The following PCDHA10 variants were observed in gnomAD, a reference collection of about 807,000 sequenced individuals.
The protein encoded by PCDHA10 is protocadherin alpha-10.
In PCDHA10, 45 loss-of-function variants were observed where a neutral mutation model predicts 61.2. That is an observed-to-expected ratio of 0.74 (90% CI 0.58 to 0.94). The LOEUF (loss-of-function observed/expected upper bound fraction) is 0.94. Ranked by LOEUF, PCDHA10 falls within the 40% of genes least tolerant of loss-of-function variation. The probability of loss-of-function intolerance (pLI) is 0.00; values close to 1 mark genes in which losing one functional copy is unlikely to be tolerated. For missense variants in PCDHA10, 1,278 were observed against 1,236.2 expected, an observed-to-expected ratio of 1.03 and a Z score of -0.51; for synonymous variants, 602 against 548.8, an observed-to-expected ratio of 1.10 and a Z score of -1.35.
At chr5:140,995,647 A>G (rs1419237450) in intron 3 of PCDHA10, among the ~76,000 whole-genome samples, 2 of 152,202 alleles carry the variant, frequency 1.3e-5, no homozygotes, top group African/African-American at 4.8e-5. Context: ...TTAGAAAAGG[A>G]GAATCGAAAA....
chr5:140,967,728 G>C (rs781785028), intron 1 of PCDHA10: 13 of 1,614,176 alleles, frequency 8.1e-6, no homozygotes, highest in Non-Finnish European at 1.1e-5. Flanking sequence ...CGAGTAATTG[G>C]GGGGCTGGAT....
At chr5:140,861,094 C>G (rs1554154151) in intron 1 of PCDHA10, 1 of 152,400 alleles carries the variant, frequency 6.6e-6, no homozygotes, top group African/African-American at 2.4e-5. Context: ...CTCCATTGTT[C>G]CTGTACTTTA....
intron 3 of PCDHA10, among the ~76,000 whole-genome samples, chr5:140,991,746 T>C (rs74524919): frequency 0.01 from 1,537 of 152,318 alleles, 24 homozygotes; most frequent in African/African-American, 0.035. Flanking sequence ...GTAGGCTCTT[T>C]CTATCATGCT....
chr5:140,991,149 C>T (rs2097435018), intron 3 of PCDHA10, among the ~76,000 whole-genome samples: 1 of 152,092 alleles, frequency 6.6e-6, no homozygotes, highest in South Asian at 2.1e-4. Flanking sequence ...GTTTTTTGCT[C>T]ACCATTGTAT....
intron 1 of PCDHA10, among the ~76,000 whole-genome samples, chr5:140,976,680 C>T (rs2096726528): frequency 6.6e-6 from 1 of 152,146 alleles, no homozygotes; most frequent in African/African-American, 2.4e-5. Context: ...CTCATTTTTG[C>T]AATTTAAGTA....
chr5:141,002,019 T>G (rs1420727822), intron 3 of PCDHA10, among the ~76,000 whole-genome samples: 4 of 152,176 alleles, frequency 2.6e-5, no homozygotes, highest in Admixed American at 6.5e-5. Flanking sequence ...CTGCACAGCC[T>G]TCGGTGCCCT....
intron 1 of PCDHA10, chr5:140,884,589 C>G: frequency 1.9e-6 from 3 of 1,614,146 alleles, no homozygotes; most frequent in Admixed American, 3.3e-5. Context: ...GCCTTCAGTC[C>G]CAGCCTTCCT....
chr5:141,003,308 A>C (rs2098118679), intron 3 of PCDHA10, among the ~76,000 whole-genome samples: 1 of 152,200 alleles, frequency 6.6e-6, no homozygotes, highest in Non-Finnish European at 1.5e-5. Context: ...TGAAGTGGCC[A>C]GCTACTTCCA....
At chr5:140,875,934 A>T (rs782270710) in intron 1 of PCDHA10, 1 of 1,614,178 alleles carries the variant, frequency 6.2e-7, no homozygotes, top group Admixed American at 1.7e-5. Context: ...ATTTTCCTCT[A>T]GAGGGCGCTT....
At chr5:140,887,776 G>T (rs2061574225) in intron 1 of PCDHA10, among the ~76,000 whole-genome samples, 1 of 152,036 alleles carries the variant, frequency 6.6e-6, no homozygotes, top group Non-Finnish European at 1.5e-5. Context: ...CAATGACACA[G>T]GTCATTGAAG....
intron 1 of PCDHA10, among the ~76,000 whole-genome samples, chr5:140,943,664 T>G (rs1404337303): frequency 6.6e-6 from 1 of 151,998 alleles, no homozygotes; most frequent in Non-Finnish European, 1.5e-5. Flanking sequence ...GAACAATGTA[T>G]AAAGTGTGAA....
chr5:140,882,451 G>T (rs2059142751), intron 1 of PCDHA10: 4 of 1,613,922 alleles, frequency 2.5e-6, no homozygotes, highest in African/African-American at 1.3e-5. Flanking sequence ...AGCTGGTGCC[G>T]CGCCTGTTCC....
chr5:140,885,727 A>G (rs539866953), intron 1 of PCDHA10, among the ~76,000 whole-genome samples: 1 of 152,308 alleles, frequency 6.6e-6, no homozygotes, highest in South Asian at 2.1e-4. Context: ...TCTCTGTGAA[A>G]TGATATTTCA....
intron 1 of PCDHA10, chr5:140,883,464 C>G (rs1219426048): frequency 6.2e-7 from 1 of 1,614,044 alleles, no homozygotes; most frequent in African/African-American, 1.3e-5. Flanking sequence ...AAGCTGGTGT[C>G]CACCTACAAG....
chr5:140,998,569 GTT>G (rs71574497), intron 3 of PCDHA10, among the ~76,000 whole-genome samples: 14 of 149,410 alleles, frequency 9.4e-5, no homozygotes, highest in Admixed American at 6.7e-4. Flanking sequence ...TTGTAAATAA[GTT>G]TTTTTTTTTT....
chr5:140,884,096 G>T (rs782587372), intron 1 of PCDHA10: 1 of 1,613,580 alleles, frequency 6.2e-7, no homozygotes, highest in Non-Finnish European at 8.5e-7. Flanking sequence ...GCTTTCGTAT[G>T]AATTGCAGCT....
intron 1 of PCDHA10, among the ~76,000 whole-genome samples, chr5:140,954,689 A>T (rs1392082377): frequency 2.0e-5 from 3 of 152,164 alleles, no homozygotes; most frequent in Non-Finnish European, 4.4e-5. Context: ...TCAGATGGAT[A>T]GACTACAAAA....
In PCDHA10 at chr5:140,876,415, G is replaced by T; in HGVS notation, c.2388+17979G>T. On this transcript the variant is annotated intron_variant, in intron 1 of 3. Transcript: ENST00000307360. Reference sequence around the variant, plus strand: ...TGAACTGGATTTTGAAGAGAATAATGCCTATGAAATTCAGGTTAACGCCAT... The same window carrying T: ...TGAACTGGATTTTGAAGAGAATAATTCCTATGAAATTCAGGTTAACGCCAT... The T allele has an allele frequency of 2.5e-6, 4 of 1,613,960 alleles. 1 individual carries two copies. The highest frequency in any genetic ancestry group is 3.4e-6 in the Non-Finnish European group (4 of 1,179,898).
intron 1 of PCDHA10, chr5:140,884,080 T>C (rs2059984285): frequency 6.2e-7 from 1 of 1,613,538 alleles, no homozygotes; most frequent in Non-Finnish European, 8.5e-7. Flanking sequence ...CGGGCTACAA[T>C]GCGTGGCTTT....
Sources: gnomAD v4.1 joint callset for allele counts (sites outside exome capture counted in the v4.1 genomes callset) on GRCh38, gnomAD v4.1.1 for gene constraint, MANE v1.5 for transcripts, NCBI Gene and HGNC (gene_info 2026-07-23, HGNC 2026-07-21) for gene names.